Variants in PXDNL observed in about 807,000 individuals in gnomAD.
The protein encoded by PXDNL is probable oxidoreductase PXDNL.
Under a neutral mutation model 150.8 loss-of-function variants are expected in PXDNL, and 145 were observed. The ratio of observed to expected loss-of-function variants is 0.96; its 90% CI spans 0.84 to 1.10. The LOEUF (loss-of-function observed/expected upper bound fraction) is 1.10. Ranked by LOEUF, PXDNL falls within the 50% of genes least tolerant of loss-of-function variation. The probability of loss-of-function intolerance (pLI) is 0.00; values close to 1 mark genes in which losing one functional copy is unlikely to be tolerated. For missense variants in PXDNL, 2,087 were observed against 1,873.9 expected, an observed-to-expected ratio of 1.11 and a Z score of -2.10; for synonymous variants, 757 against 725.7, an observed-to-expected ratio of 1.04 and a Z score of -0.69.
At chr8:51,339,390 G>A (rs888032500) in intron 21 of PXDNL, among the ~76,000 whole-genome samples, 1 of 152,186 alleles carries the variant, frequency 6.6e-6, no homozygotes, top group Non-Finnish European at 1.5e-5. Context: ...AACCCAAGAG[G>A]TGGAGGCTCC....
At chr8:51,402,355 A>G (rs1025398071) in intron 17 of PXDNL, among the ~76,000 whole-genome samples, 2 of 151,938 alleles carry the variant, frequency 1.3e-5, no homozygotes, top group African/African-American at 4.8e-5. Context: ...GTGAGACCCA[A>G]TCTCTACCAA....
rs548029344 is a variant in PXDNL at position 51,370,815 on chromosome 8, T to C, written c.3901+1058A>G. Among the ~76,000 whole-genome samples the C allele has an allele frequency of 1.7e-3, 256 of 152,378 alleles. 2 individuals carry two copies. Among genetic ancestry groups the C allele is most frequent in the Admixed American group, 3.7e-3 (56 of 15,310 alleles). ...TTTCGCCATGTTGGCCAGGCTGGTC[T>C]TGAACTCCTGACCTCAAACAATCCA... On this transcript the variant is annotated intron_variant, in intron 19 of 22. Coordinates refer to ENST00000356297, the MANE Select transcript of PXDNL (RefSeq NM_144651.5).
Position 51,558,094 on chromosome 8 carries a change from A to C in PXDNL, c.309-1183T>G, listed in dbSNP as rs145968495. Reference sequence around the variant, plus strand: ...ATGTTTCTTCAAACAGTTTATAAGAAGCATTGAGAAGTCGTCTCAAAACTC... The same window carrying C: ...ATGTTTCTTCAAACAGTTTATAAGACGCATTGAGAAGTCGTCTCAAAACTC... On this transcript the variant is annotated intron_variant, in intron 3 of 22. Coordinates refer to ENST00000356297, the MANE Select transcript of PXDNL (RefSeq NM_144651.5). 2.5e-3 allele frequency among the ~76,000 whole-genome samples: 384 copies of C among 152,286 alleles called. 1 individual carries two copies. Among genetic ancestry groups the C allele is most frequent in the African/African-American group, 8.9e-3 (372 of 41,582 alleles).
intron 1 of PXDNL, among the ~76,000 whole-genome samples, chr8:51,676,723 A>G (rs895685012): frequency 9.2e-5 from 14 of 152,176 alleles, no homozygotes; most frequent in African/African-American, 3.4e-4. Flanking sequence ...CTCTTCTATC[A>G]CAATTAGTTT....
At chr8:51,591,543 G>A (rs1813444113) in intron 3 of PXDNL, among the ~76,000 whole-genome samples, 1 of 134,458 alleles carries the variant, frequency 7.4e-6, no homozygotes, top group Non-Finnish European at 1.7e-5. Flanking sequence ...CTCTTTAAGA[G>A]AATAATTAAC....
rs554844443 is a variant in PXDNL, at chr8:51,391,852, T to C, written c.3557+16215A>G. The stretch of plus-strand genomic sequence containing the variant: ...GAATGGTAATGCCTAGGTTTTCTTC[T>C]AGGATTTTTATGGTTTTAGGTCTAA... On this transcript the variant is annotated intron_variant, in intron 17 of 22. Transcript: ENST00000356297. Among the ~76,000 whole-genome samples the C allele has an allele frequency of 2.5e-3, 387 of 152,306 alleles. 2 individuals are homozygous for C. Among genetic ancestry groups the C allele is most frequent in the African/African-American group, 8.9e-3 (372 of 41,570 alleles).
intron 5 of PXDNL, among the ~76,000 whole-genome samples, chr8:51,497,959 C>T (rs1811093970): frequency 6.6e-6 from 1 of 152,126 alleles, no homozygotes; most frequent in Admixed American, 6.5e-5. Flanking sequence ...ATAAATCATG[C>T]TGCTATAAAG....
intron 1 of PXDNL, among the ~76,000 whole-genome samples, chr8:51,772,210 GTC>G (rs1299848675): frequency 6.8e-6 from 1 of 147,436 alleles, no homozygotes; most frequent in East Asian, 2.1e-4. Flanking sequence ...CTCTGTCTCT[GTC>G]TCTCTCTTTC....
In PXDNL at chr8:51,787,701, C is replaced by A. The variant is rs1025802113; in HGVS notation, c.164+21480G>T. 5.9e-5 allele frequency among the ~76,000 whole-genome samples: 9 copies of A among 152,278 alleles called. No individual in the cohort carries two copies. The South Asian group carries it at 1.2e-3, about 21-fold the overall frequency. On this transcript the variant is annotated intron_variant, in intron 1 of 22. Coordinates refer to ENST00000356297, the MANE Select transcript of PXDNL (RefSeq NM_144651.5). ...AAGATACTGTGAACACTTAAAATGA[C>A]AACAAAGCATTTAGAATATTACATC...
At chr8:51,548,517 A>T (rs1812413403) in intron 4 of PXDNL, among the ~76,000 whole-genome samples, 1 of 152,258 alleles carries the variant, frequency 6.6e-6, no homozygotes, top group Non-Finnish European at 1.5e-5. Flanking sequence ...ACAAGCCAGG[A>T]TTGAGGTTCT....
intron 1 of PXDNL, among the ~76,000 whole-genome samples, chr8:51,683,890 C>T (rs186995808): frequency 6.6e-6 from 1 of 152,150 alleles, no homozygotes; most frequent in Non-Finnish European, 1.5e-5. Context: ...TCTTCCCCTT[C>T]GAATATATTG....
chr8:51,596,715 T>C (rs1813575157), intron 2 of PXDNL, among the ~76,000 whole-genome samples: 1 of 152,200 alleles, frequency 6.6e-6, no homozygotes, highest in East Asian at 1.9e-4. Context: ...TTTTCAGATG[T>C]CTCTGTTCAT....
chr8:51,714,323 G>A (rs769236933), intron 1 of PXDNL, among the ~76,000 whole-genome samples: 16 of 152,278 alleles, frequency 1.1e-4, no homozygotes, highest in Admixed American at 5.2e-4. Context: ...CTCTGTTTTA[G>A]TAATATTGCT....
chr8:51,708,997 T>C (rs1232792325), intron 1 of PXDNL, among the ~76,000 whole-genome samples: 2 of 151,894 alleles, frequency 1.3e-5, no homozygotes, highest in African/African-American at 4.8e-5. Flanking sequence ...ATTCCAGCCT[T>C]TGGGGTTTAA....
chr8:51,628,399 CTTTTTT>C (rs71550276), intron 2 of PXDNL, among the ~76,000 whole-genome samples: 2 of 69,748 alleles, frequency 2.9e-5, no homozygotes, highest in African/African-American at 5.9e-5. Context: ...CTTTTCTTTT[CTTTTTT>C]TTTTTTTTTT....
At chr8:51,676,579 ACTC>A (rs767673848) in intron 1 of PXDNL, among the ~76,000 whole-genome samples, 4,914 of 151,902 alleles carry the variant, frequency 0.032, 276 homozygotes, top group African/African-American at 0.11. Flanking sequence ...GCCTGGCCGG[ACTC>A]ATCTTTGACC....
intron 19 of PXDNL, among the ~76,000 whole-genome samples, chr8:51,351,573 CT>C (rs2130720787): frequency 6.6e-6 from 1 of 152,326 alleles, no homozygotes; most frequent in African/African-American, 2.4e-5. Context: ...ACACATTTTG[CT>C]GTCTCGTTTG....
intron 1 of PXDNL, among the ~76,000 whole-genome samples, chr8:51,667,850 T>C (rs1474906146): frequency 6.6e-6 from 1 of 152,196 alleles, no homozygotes; most frequent in Non-Finnish European, 1.5e-5. Context: ...TCACATTTGC[T>C]CATTCCATGG....
chr8:51,473,370 A>G (rs1489079287), intron 7 of PXDNL, among the ~76,000 whole-genome samples: 1 of 151,844 alleles, frequency 6.6e-6, no homozygotes, highest in Admixed American at 6.6e-5. Context: ...GTTTTGATGG[A>G]TTATAAAAAG....
Sources: gnomAD v4.1 joint callset for allele counts (sites outside exome capture counted in the v4.1 genomes callset) on GRCh38, gnomAD v4.1.1 for gene constraint, MANE v1.5 for transcripts, NCBI Gene and HGNC (gene_info 2026-07-23, HGNC 2026-07-21) for gene names.